RAP1GAP2: variants seen among roughly 807,000 people sequenced by gnomAD.
RAP1GAP2 encodes the protein RAP1 GTPase activating protein 2.
A neutral mutation model predicts 95.0 loss-of-function variants in RAP1GAP2; 27 were observed. That is an observed-to-expected ratio of 0.28 (90% CI 0.21 to 0.39). RAP1GAP2 has a LOEUF of 0.39. RAP1GAP2 is among the 10% of genes least tolerant of loss of function. RAP1GAP2 has a pLI of 1.00. For missense variants in RAP1GAP2, 771 were observed against 970.0 expected (o/e 0.79, Z 2.72); for synonymous variants, 373 against 380.9 (o/e 0.98, Z 0.24).
intron 3 of RAP1GAP2, among the ~76,000 whole-genome samples, chr17:2,941,667 G>GTT (rs1452566233): frequency 9.3e-5 from 8 of 85,918 alleles, no homozygotes; most frequent in Non-Finnish European, 2.3e-4. Flanking sequence ...ATGACTCTTG[G>GTT]GTTTTTTTTT....
At chr17:2,980,229 C>T (rs959262190) in intron 8 of RAP1GAP2, 58 bp from the exon 9 acceptor site, 11 of 1,547,950 alleles carry the variant, frequency 7.1e-6, no homozygotes, top group South Asian at 1.1e-5. Flanking sequence ...AGGCACGAGT[C>T]CCCGCGCCCT....
intron 17 of RAP1GAP2, among the ~76,000 whole-genome samples, chr17:3,011,779 A>G (rs1315913412): frequency 2.6e-5 from 4 of 151,690 alleles, no homozygotes; most frequent in Admixed American, 2.0e-4. Context: ...GCCACCACAC[A>G]TGGCTAAATT....
chr17:2,961,908 T>C (rs1468392296), intron 4 of RAP1GAP2, among the ~76,000 whole-genome samples: 1 of 150,696 alleles, frequency 6.6e-6, no homozygotes, highest in Non-Finnish European at 1.5e-5. Flanking sequence ...TTTTTTTTTT[T>C]TTTTTTAATT....
At chr17:2,830,252 A>G (rs2070764746) in intron 2 of RAP1GAP2, among the ~76,000 whole-genome samples, 1 of 151,858 alleles carries the variant, frequency 6.6e-6, no homozygotes, top group Non-Finnish European at 1.5e-5. Flanking sequence ...TCTGTACTAA[A>G]AACACAAAAA....
intron 11 of RAP1GAP2, 127 bp from the exon 12 acceptor site, chr17:2,991,170 A>G (rs1261829586): frequency 1.1e-5 from 8 of 730,450 alleles, no homozygotes; most frequent in South Asian, 3.4e-5. Context: ...GAGGGCAGCT[A>G]TGGTGGATGT....
intron 22 of RAP1GAP2, 138 bp from the exon 23 acceptor site, chr17:3,030,784 G>A (rs1403803209): frequency 6.7e-6 from 5 of 750,434 alleles, no homozygotes; most frequent in Non-Finnish European, 8.8e-6. Context: ...CTCGTGGGTC[G>A]GCACAGGTCA....
chr17:2,787,774 G>A (rs553725323), intron 1 of RAP1GAP2, among the ~76,000 whole-genome samples: 4 of 151,910 alleles, frequency 2.6e-5, no homozygotes, highest in Non-Finnish European at 5.9e-5. Context: ...TCACCATGTT[G>A]GCCAGGATGG....
At position 2,867,134 on chromosome 17, in the gene RAP1GAP2, C is replaced by T. The variant is rs1456968946; in HGVS notation, c.81-38150C>T. Among the ~76,000 whole-genome samples the T allele has an allele frequency of 2.7e-5, 4 of 150,736 alleles. No homozygotes were observed. Among genetic ancestry groups the T allele is most frequent in the African/African-American group, 4.9e-5 (2 of 40,968 alleles). On this transcript the variant is annotated intron_variant, in intron 2 of 24. Transcript: ENST00000254695. The surrounding 1 kb of genome is among the most constrained non-coding windows in gnomAD (Gnocchi z 4.5). The stretch of plus-strand genomic sequence containing the variant: ...CAGGCTGGTCTCGAACTCCTGGTGT[C>T]GTGATTCCCCTCACCTTGGCCTCCC...
intron 1 of RAP1GAP2, among the ~76,000 whole-genome samples, chr17:2,790,702 T>G (rs1197138765): frequency 6.6e-6 from 1 of 152,220 alleles, no homozygotes; most frequent in Non-Finnish European, 1.5e-5. Flanking sequence ...TCCCCATGCC[T>G]GGGGAAGGAG....
Position 2,963,604 on chromosome 17 carries a change from G to A in RAP1GAP2, c.279+142G>A. On this transcript the variant is annotated intron_variant, in intron 6 of 24. Coordinates refer to ENST00000254695, the MANE Select transcript of RAP1GAP2 (RefSeq NM_015085.5). This position sits in a 1 kb window ranked among gnomAD's most constrained non-coding sequence, Gnocchi z 4.8. Reference sequence around the variant, plus strand: ...GACCTCTCTTCCTGTCTTTGCCTTTGTAACCTCAGCTTCTCCATGTGTTAA... The same window carrying A: ...GACCTCTCTTCCTGTCTTTGCCTTTATAACCTCAGCTTCTCCATGTGTTAA... The A allele has an allele frequency of 1.7e-6, 2 of 1,179,872 alleles. No individual in the cohort carries two copies. The highest frequency in any genetic ancestry group is 2.5e-6 in the Non-Finnish European group (2 of 808,678). 73.1% of individuals were successfully genotyped at this position (1,179,872 alleles called of 1,614,324 possible). A position where few individuals can be genotyped will look rare whatever the true frequency, so the allele number is the denominator to read the frequency against.
At chr17:3,025,859 G>A in intron 19 of RAP1GAP2, 149 bp from the exon 20 acceptor site, 1 of 635,508 alleles carries the variant, frequency 1.6e-6, no homozygotes, top group Non-Finnish European at 2.8e-6. Flanking sequence ...GGCTCAGGTG[G>A]GAAAGGACAT....
chr17:2,979,001 A>T (rs1044460602), intron 8 of RAP1GAP2, among the ~76,000 whole-genome samples: 51 of 145,796 alleles, frequency 3.5e-4, no homozygotes, highest in African/African-American at 1.2e-3. Context: ...AATAAATAAA[A>T]AAAATAAAAA....
At chr17:2,886,451 G>A (rs1301356096) in intron 2 of RAP1GAP2, among the ~76,000 whole-genome samples, 1 of 152,046 alleles carries the variant, frequency 6.6e-6, no homozygotes, top group Non-Finnish European at 1.5e-5. Context: ...GGGATTACAG[G>A]TGTGAGCCAC....
At chr17:2,966,504 A>G (rs1317509322) in intron 8 of RAP1GAP2, among the ~76,000 whole-genome samples, 1 of 152,226 alleles carries the variant, frequency 6.6e-6, no homozygotes, top group African/African-American at 2.4e-5. Flanking sequence ...GGAAAAGAGC[A>G]ATCACATTTT....
At chr17:2,933,917 C>T (rs530694607) in intron 3 of RAP1GAP2, among the ~76,000 whole-genome samples, 22 of 152,384 alleles carry the variant, frequency 1.4e-4, no homozygotes, top group African/African-American at 5.0e-4. Flanking sequence ...AGGAACCTTA[C>T]GCCTTAACCA....
chr17:2,757,199 G>T (rs1269780229), intron 1 of RAP1GAP2, among the ~76,000 whole-genome samples: 3 of 152,038 alleles, frequency 2.0e-5, no homozygotes, highest in Non-Finnish European at 4.4e-5. Context: ...GCTCACTGCA[G>T]CCTCCACCTC....
chr17:2,929,988 T>G (rs2043091033), intron 3 of RAP1GAP2, among the ~76,000 whole-genome samples: 1 of 152,228 alleles, frequency 6.6e-6, no homozygotes, highest in Non-Finnish European at 1.5e-5. Context: ...CTGCTCACCC[T>G]TCCCTCTGAG....
upstream of RAP1GAP2, among the ~76,000 whole-genome samples, chr17:2,776,250 C>T (rs1337268955): frequency 6.6e-6 from 1 of 152,208 alleles, no homozygotes; most frequent in Non-Finnish European, 1.5e-5. Context: ...AGACTCGCAG[C>T]ATAGCGTTCT....
At chr17:3,017,933 GT>G in intron 17 of RAP1GAP2, 127 bp from the exon 18 acceptor site, 1 of 797,892 alleles carries the variant, frequency 1.3e-6, no homozygotes, top group Non-Finnish European at 1.9e-6. Context: ...GTGTGTGTGT[GT>G]GTGTGTGTGT....
Sources: allele counts gnomAD v4.1 joint callset (sites outside exome capture counted in the v4.1 genomes callset), GRCh38; gene constraint gnomAD v4.1.1; non-coding constraint Gnocchi (gnomAD v3.1); transcripts MANE v1.5; gene names NCBI Gene and HGNC (gene_info 2026-07-23, HGNC 2026-07-21).